NRXN3: variants seen among roughly 807,000 people sequenced by gnomAD.
NRXN3 encodes the protein neurexin 3, also known as neurexin III.
A neutral mutation model predicts 137.6 loss-of-function variants in NRXN3; 32 were observed. The ratio of observed to expected loss-of-function variants is 0.23; its 90% CI spans 0.18 to 0.31. NRXN3 has a LOEUF of 0.31. NRXN3 is among the 10% of genes least tolerant of loss of function. The pLI is 1.00. For missense variants in NRXN3, 1,574 were observed against 2,062.5 expected (o/e 0.76, Z 4.59); for synonymous variants, 798 against 784.5 (o/e 1.02, Z -0.29).
At chr14:79,652,548 T>C (rs748676018) in intron 16 of NRXN3, among the ~76,000 whole-genome samples, 1 of 152,150 alleles carries the variant, frequency 6.6e-6, no homozygotes, top group Non-Finnish European at 1.5e-5. Flanking sequence ...TTGGTAGGGA[T>C]ACTGAATTCA....
At chr14:78,577,507 C>T (rs1301992277) in intron 4 of NRXN3, among the ~76,000 whole-genome samples, 2 of 151,952 alleles carry the variant, frequency 1.3e-5, no homozygotes, top group African/African-American at 4.8e-5. Flanking sequence ...CTCTTGTTGC[C>T]CAGGTTGGAG....
chr14:78,268,551 G>A (rs1377689677), intron 2 of NRXN3, among the ~76,000 whole-genome samples: 1 of 152,176 alleles, frequency 6.6e-6, no homozygotes, highest in Non-Finnish European at 1.5e-5. Context: ...GTGTCCCAGA[G>A]GATGATAGAT....
intron 15 of NRXN3, among the ~76,000 whole-genome samples, chr14:79,192,407 T>G (rs1245974696): frequency 6.6e-6 from 1 of 151,996 alleles, no homozygotes; most frequent in Non-Finnish European, 1.5e-5. Flanking sequence ...CATCAGGAGG[T>G]GTAGGTAATA....
In NRXN3 at chr14:79,440,439, G is replaced by A. The variant is rs146710325; in HGVS notation, c.3263-26782G>A. Among the ~76,000 whole-genome samples the A allele has an allele frequency of 1.1e-4, 17 of 152,290 alleles. No homozygotes were observed. In the East Asian group the frequency reaches 3.3e-3, roughly 29 times the overall value. On this transcript the variant is annotated intron_variant, in intron 15 of 20. Transcript: ENST00000335750. ...GGAAAATACTGGATGCTCCTCATAA[G>A]TAGTTATTTATTTATTAATATCACT...
Position 79,234,013 on chromosome 14 carries a change from T to C in NRXN3, c.3263-233208T>C, listed in dbSNP as rs1403969915. ...AAAACATTTCTTTTGAGCAATGTTA[T>C]TTTTATTATAAAGGAAATAGCACTT... On this transcript the variant is annotated intron_variant, in intron 15 of 20. Transcript: ENST00000335750. Among the ~76,000 whole-genome samples the C allele has an allele frequency of 2.6e-5, 4 of 151,866 alleles. No individual in the cohort carries two copies. In the East Asian group the frequency reaches 7.8e-4, roughly 30 times the overall value.
At chr14:79,700,864 G>A (rs2098752071) in intron 19 of NRXN3, among the ~76,000 whole-genome samples, 1 of 152,018 alleles carries the variant, frequency 6.6e-6, no homozygotes, top group Non-Finnish European at 1.5e-5. Flanking sequence ...CCAAGCATCA[G>A]GTCTTGATCC....
At chr14:79,079,275 C>CTTTG (rs3035486) in intron 15 of NRXN3, among the ~76,000 whole-genome samples, 150,840 of 152,252 alleles carry the variant, frequency 0.99, 74,744 homozygotes, top group Middle Eastern at 1. Flanking sequence ...AAATAAATTC[C>CTTTG]TTTGTGAAAC....
chr14:79,608,075 G>C (rs1485378761), intron 16 of NRXN3, among the ~76,000 whole-genome samples: 1 of 152,062 alleles, frequency 6.6e-6, no homozygotes, highest in Non-Finnish European at 1.5e-5. Context: ...GTCAACATCT[G>C]GTTTTATTGA....
At chr14:79,622,093 C>T (rs1413506134) in intron 16 of NRXN3, among the ~76,000 whole-genome samples, 2 of 152,094 alleles carry the variant, frequency 1.3e-5, no homozygotes, top group African/African-American at 4.8e-5. Flanking sequence ...CACGCTGTCC[C>T]AGTATACTGT....
chr14:79,855,021 T>G (rs751900384), intron 20 of NRXN3, among the ~76,000 whole-genome samples: 14 of 152,258 alleles, frequency 9.2e-5, no homozygotes, highest in Non-Finnish European at 1.3e-4. Context: ...ATTCTCTCTC[T>G]CCCTCTTTCC....
At position 79,178,699 on chromosome 14, in the gene NRXN3, C is replaced by G. The variant is rs190870158; in HGVS notation, c.3262+190558C>G. Among the ~76,000 whole-genome samples the G allele has an allele frequency of 2.2e-3, 340 of 152,238 alleles. 4 individuals are homozygous for G. The highest frequency in any genetic ancestry group is 1.3e-3 in the Non-Finnish European group (90 of 68,012). On this transcript the variant is annotated intron_variant, in intron 15 of 20. Coordinates refer to ENST00000335750, the MANE Select transcript of NRXN3 (RefSeq NM_001330195.2). ...GATAGATTAAAAATACAAGAGAAAG[C>G]ACAAGACAACATGATCTCTCACATG...
chr14:78,908,796 A>G (rs1356169248), intron 10 of NRXN3, among the ~76,000 whole-genome samples: 2 of 152,084 alleles, frequency 1.3e-5, no homozygotes, highest in East Asian at 3.9e-4. Context: ...GCTTGGGTAG[A>G]AGAATGGTGA....
intron 1 of NRXN3, among the ~76,000 whole-genome samples, chr14:78,204,029 A>G (rs2061951759): frequency 6.6e-6 from 1 of 152,108 alleles, no homozygotes; most frequent in Non-Finnish European, 1.5e-5. Context: ...AAAGGGTTGT[A>G]AAGGTATAAA....
intron 20 of NRXN3, among the ~76,000 whole-genome samples, chr14:79,842,523 C>A (rs1040334262): frequency 6.6e-6 from 1 of 152,010 alleles, no homozygotes; most frequent in African/African-American, 2.4e-5. Flanking sequence ...AGTGGACTTT[C>A]CCAGTGAGTC....
chr14:79,273,189 A>T lies in NRXN3; in HGVS notation c.3263-194032A>T, dbSNP rs546967950. On this transcript the variant is annotated intron_variant, in intron 15 of 20. Transcript: ENST00000335750. ...TCTGTGGCCAAAAAAAAAAAAAAAA[A>T]AAAAAAAAAAATGGGTGGGAGGGAG... Among the ~76,000 whole-genome samples the T allele has an allele frequency of 3.7e-4, 56 of 150,952 alleles. 1 individual carries two copies. The highest frequency in any genetic ancestry group is 2.7e-3 in the East Asian group (14 of 5,092).
At chr14:78,475,531 A>G (rs1265699675) in intron 4 of NRXN3, among the ~76,000 whole-genome samples, 2 of 152,168 alleles carry the variant, frequency 1.3e-5, no homozygotes, top group Non-Finnish European at 2.9e-5. Flanking sequence ...CTCAGGTGGT[A>G]TTGATAGTAA....
intron 4 of NRXN3, among the ~76,000 whole-genome samples, chr14:78,379,278 C>T (rs1008054776): frequency 8.5e-5 from 13 of 152,130 alleles, no homozygotes; most frequent in Non-Finnish European, 1.8e-4. Flanking sequence ...GTTAGTATTA[C>T]TCTGATACCC....
At chr14:78,721,215 T>C (rs1020821397) in intron 8 of NRXN3, among the ~76,000 whole-genome samples, 2 of 152,204 alleles carry the variant, frequency 1.3e-5, no homozygotes, top group African/African-American at 2.4e-5. Context: ...AAGAGAAACC[T>C]GGGCTTCCAA....
intron 19 of NRXN3, among the ~76,000 whole-genome samples, chr14:79,700,578 T>C (rs1400944203): frequency 6.6e-6 from 1 of 152,070 alleles, no homozygotes; most frequent in Non-Finnish European, 1.5e-5. Flanking sequence ...TCTTAAAGCA[T>C]AAGCAAAGAA....
Sources: allele counts gnomAD v4.1 joint callset (sites outside exome capture counted in the v4.1 genomes callset), GRCh38; gene constraint gnomAD v4.1.1; transcripts MANE v1.5; gene names NCBI Gene and HGNC (gene_info 2026-07-23, HGNC 2026-07-21).